Variants in IL34 observed in about 807,000 individuals in gnomAD.
IL34 encodes interleukin 34.
Under a neutral mutation model 25.3 loss-of-function variants are expected in IL34, and 17 were observed. The observed-to-expected ratio is 0.67, with a 90% CI of 0.46 to 1.01. The LOEUF (loss-of-function observed/expected upper bound fraction) is 1.01, where lower values mean the gene tolerates loss of function less well. Among genes scored for constraint, IL34 ranks in the 50% least tolerant of loss-of-function variants. The probability of loss-of-function intolerance (pLI) is 0.00; values close to 1 mark genes in which losing one functional copy is unlikely to be tolerated. For synonymous variants in IL34, 174 were observed against 140.9 expected (o/e 1.23, Z -1.66); for missense variants, 368 against 312.9 (o/e 1.18, Z -1.33).
At chr16:70,652,800 G>C (rs1290496094) in intron 1 of IL34, among the ~76,000 whole-genome samples, 1 of 152,196 alleles carries the variant, frequency 6.6e-6, no homozygotes, top group Admixed American at 6.5e-5. Context: ...GGTTTGAAGG[G>C]TGCGGATACT....
chr16:70,594,801 A>G (rs2050796965), intron 1 of IL34, among the ~76,000 whole-genome samples: 1 of 152,274 alleles, frequency 6.6e-6, no homozygotes, highest in Non-Finnish European at 1.5e-5. Flanking sequence ...GCTTCTTGCC[A>G]AGCCAGTGGG....
chr16:70,631,832 T>C (rs1007199497), intron 1 of IL34, among the ~76,000 whole-genome samples: 1 of 152,090 alleles, frequency 6.6e-6, no homozygotes, highest in African/African-American at 2.4e-5. Context: ...CTCATCCCTC[T>C]GGTCCTTCAT....
intron 1 of IL34, among the ~76,000 whole-genome samples, chr16:70,610,409 A>T (rs1310156118): frequency 6.6e-6 from 1 of 152,116 alleles, no homozygotes; most frequent in Non-Finnish European, 1.5e-5. Context: ...GAATTTTGGC[A>T]TCTGGCCCAT....
intron 1 of IL34, among the ~76,000 whole-genome samples, chr16:70,629,120 C>G (rs950526290): frequency 2.6e-5 from 4 of 152,112 alleles, no homozygotes; most frequent in Admixed American, 2.6e-4. Flanking sequence ...CTTGGATGTT[C>G]TAGATTTATA....
At chr16:70,584,217 G>A (rs918858518) in intron 1 of IL34, among the ~76,000 whole-genome samples, 1 of 152,180 alleles carries the variant, frequency 6.6e-6, no homozygotes, top group Non-Finnish European at 1.5e-5. Flanking sequence ...ATGCATGCTT[G>A]CGTGTGAGGG....
intron 1 of IL34, among the ~76,000 whole-genome samples, chr16:70,615,718 A>T (rs1019424231): frequency 2.6e-5 from 4 of 152,156 alleles, no homozygotes; most frequent in Non-Finnish European, 5.9e-5. Flanking sequence ...TGGGAGTCTG[A>T]GGTGGGGCAA....
At chr16:70,637,473 C>A (rs2051681085) in intron 1 of IL34, among the ~76,000 whole-genome samples, 1 of 152,094 alleles carries the variant, frequency 6.6e-6, no homozygotes, top group Admixed American at 6.6e-5. Flanking sequence ...CTCAGCCTCC[C>A]CAGCTGGGAT....
At chr16:70,585,340 C>T (rs1484616712) in intron 1 of IL34, among the ~76,000 whole-genome samples, 3 of 152,234 alleles carry the variant, frequency 2.0e-5, no homozygotes, top group African/African-American at 7.2e-5. Context: ...CCTCCCGCCT[C>T]AGCCTCTCAG....
intron 1 of IL34, among the ~76,000 whole-genome samples, chr16:70,590,560 G>A (rs1259681464): frequency 6.6e-6 from 1 of 152,198 alleles, no homozygotes; most frequent in African/African-American, 2.4e-5. Context: ...GGGTGGGAAG[G>A]CTTGTCCCAG....
At chr16:70,655,257 T>C (rs1363372081) in intron 2 of IL34, among the ~76,000 whole-genome samples, 29 of 151,624 alleles carry the variant, frequency 1.9e-4, no homozygotes, top group Admixed American at 1.8e-3. Flanking sequence ...TTCACCATGT[T>C]AGTCAGGATG....
intron 1 of IL34, among the ~76,000 whole-genome samples, chr16:70,593,114 A>T (rs2050776163): frequency 6.6e-6 from 1 of 152,178 alleles, no homozygotes; most frequent in Admixed American, 6.5e-5. Flanking sequence ...GGCATGAGCT[A>T]CTGCGCCTGG....
intron 1 of IL34, among the ~76,000 whole-genome samples, chr16:70,627,034 C>T (rs1357265427): frequency 2.0e-5 from 3 of 151,610 alleles, no homozygotes; most frequent in Admixed American, 6.6e-5. Flanking sequence ...CCCTATGTTG[C>T]CCAGGCTGGT....
rs186393208 is a variant in IL34, at chr16:70,618,748, G to A, written c.-400-27800G>A. Among the ~76,000 whole-genome samples, 83 of 152,228 alleles carry A rather than the reference G, an allele frequency of 5.5e-4. 1 individual carries two copies. In the East Asian group the frequency reaches 6.8e-3, roughly 12 times the overall value. ...GAGATCAGTCGGACAGGGAGATCAC[G>A]TGTGTTTTTATGAGAATTATGCAGA... On this transcript the variant is annotated intron_variant, in intron 1 of 6. Transcript: ENST00000429149.
intron 1 of IL34, 30 bp downstream of exon 1, chr16:70,647,005 C>T: frequency 6.9e-7 from 1 of 1,441,266 alleles, no homozygotes; most frequent in Non-Finnish European, 9.1e-7. Flanking sequence ...TAGGGACCTG[C>T]ATTGGGAGGC....
chr16:70,647,143 C>T (rs968387477), intron 1 of IL34, among the ~76,000 whole-genome samples, 168 bp downstream of exon 1: 2 of 152,264 alleles, frequency 1.3e-5, no homozygotes, highest in Non-Finnish European at 2.9e-5. Flanking sequence ...TCTGCCCTGT[C>T]TGCCGCTCAC....
At chr16:70,634,024 T>A (rs370523254) in intron 1 of IL34, among the ~76,000 whole-genome samples, 58 of 152,184 alleles carry the variant, frequency 3.8e-4, no homozygotes, top group African/African-American at 1.4e-3. Flanking sequence ...CTAATTTTTG[T>A]ATTTTTAGTA....
chr16:70,634,931 G>T (rs1035207381), intron 1 of IL34, among the ~76,000 whole-genome samples: 6 of 151,982 alleles, frequency 3.9e-5, no homozygotes, highest in African/African-American at 1.5e-4. Flanking sequence ...TTTAATTTCA[G>T]AGTAATATTC....
intron 1 of IL34, among the ~76,000 whole-genome samples, chr16:70,636,481 A>G (rs2051647429): frequency 1.3e-5 from 2 of 152,284 alleles, no homozygotes; most frequent in South Asian, 4.1e-4. Context: ...ACTGTAAAAA[A>G]TGAATACTCT....
chr16:70,627,581 A>G (rs1393801823), intron 1 of IL34, among the ~76,000 whole-genome samples: 6 of 151,736 alleles, frequency 4.0e-5, no homozygotes, highest in Admixed American at 1.3e-4. Context: ...TCCTGGACTC[A>G]AGCAGTCCTC....
Sources: gnomAD v4.1 joint callset for allele counts (sites outside exome capture counted in the v4.1 genomes callset) on GRCh38, gnomAD v4.1.1 for gene constraint, MANE v1.5 for transcripts, NCBI Gene and HGNC (gene_info 2026-07-23, HGNC 2026-07-21) for gene names.